PIK3R3: variants seen among roughly 807,000 people sequenced by gnomAD.
PIK3R3 encodes the protein phosphatidylinositol 3-kinase regulatory subunit gamma.
A neutral mutation model predicts 62.9 loss-of-function variants in PIK3R3; 64 were observed. The observed-to-expected ratio is 1.02, with a 90% CI of 0.83 to 1.25. The LOEUF (loss-of-function observed/expected upper bound fraction) is 1.25, where lower values mean the gene tolerates loss of function less well. Ranked by LOEUF, PIK3R3 falls within the 50% of genes most tolerant of loss-of-function variation. The pLI is 0.00. For missense variants in PIK3R3, 614 were observed against 561.6 expected (o/e 1.09, Z -0.94); for synonymous variants, 165 against 189.0 (o/e 0.87, Z 1.04).
chr1:46,169,953 CT>C, the PIK3R3 span, among the ~76,000 whole-genome samples: 1 of 152,116 alleles, frequency 6.6e-6, no homozygotes. Context: ...ATCAGCCCCC[CT>C]AGGCACAACC....
Position 46,040,340 on chromosome 1 carries a change from A to ACTGT in PIK3R3, c.*3329_*3332dup, listed in dbSNP as rs1646972642. Reference sequence around the variant, plus strand: ...AAGTGGTCTAGCAACTACATTATGAACTGTCCCATCACAAGACATACAGTT... The same window carrying ACTGT: ...AAGTGGTCTAGCAACTACATTATGAACTGTCTGTCCCATCACAAGACATACAGTT... On this transcript the variant is annotated 3_prime_UTR_variant, in exon 10 of 10. Transcript: ENST00000262741. The ACTGT allele has an allele frequency of 4.3e-6, 1 of 231,514 alleles. No homozygotes were observed. Among genetic ancestry groups the ACTGT allele is most frequent in the Admixed American group, 5.6e-5 (1 of 17,708 alleles). 14.3% of individuals were successfully genotyped at this position (231,514 alleles called of 1,614,324 possible). A position where few individuals can be genotyped will look rare whatever the true frequency, so the allele number is the denominator to read the frequency against.
chr1:46,142,571 G>A, the PIK3R3 span, among the ~76,000 whole-genome samples: 16 of 152,076 alleles, frequency 1.1e-4, no homozygotes, highest in South Asian at 4.1e-4. Flanking sequence ...GGTGGCGGGC[G>A]CCTGTAGTCC....
chr1:46,079,822 T>C (rs1650412436), intron 2 of PIK3R3, among the ~76,000 whole-genome samples: 1 of 151,740 alleles, frequency 6.6e-6, no homozygotes, highest in Non-Finnish European at 1.5e-5. Context: ...GGTATGGTGA[T>C]GCATGACTGT....
At chr1:46,100,289 CT>C (rs1239144607) in intron 1 of PIK3R3, among the ~76,000 whole-genome samples, 1 of 152,150 alleles carries the variant, frequency 6.6e-6, no homozygotes, top group Non-Finnish European at 1.5e-5. Context: ...ACATTAACAT[CT>C]TTAATCATCA....
At chr1:46,168,974 T>A in the PIK3R3 span, among the ~76,000 whole-genome samples, 14 of 152,146 alleles carry the variant, frequency 9.2e-5, no homozygotes, top group African/African-American at 3.4e-4. Flanking sequence ...CTATCTCCAA[T>A]CTGAGCTGAG....
chr1:46,100,753 ATCTCT>A (rs1652584534), intron 1 of PIK3R3, among the ~76,000 whole-genome samples: 2 of 152,220 alleles, frequency 1.3e-5, no homozygotes, highest in Admixed American at 1.3e-4. Flanking sequence ...TCCCAATTAC[ATCTCT>A]TCTCATGTCT....
rs200960469 is a variant in PIK3R3 at position 46,043,828 on chromosome 1, G to C, written c.1231C>G (p.Arg411Gly). The C allele has an allele frequency of 6.2e-7, 1 of 1,614,052 alleles. No individual in the cohort carries two copies. Among genetic ancestry groups the C allele is most frequent in the Non-Finnish European group, 8.5e-7 (1 of 1,179,980 alleles). The change falls in exon 10 of 10, where the codon CGG becomes GGG. Residue 411 changes from arginine (R) to glycine (G), a missense_variant. Physicochemically the swap from Arg to Gly is moderately radical, Grantham distance 125 (BLOSUM62 -2). Transcript: ENST00000262741. ...TAGGGCTCTGCAAAGCCATAGCCCC[G>C]AGCAGTGCTGTAGATCACACAGTGC... ...VKHCVIYSTA[R>G]GYGFAEPYNL... is the part of the protein sequence containing the mutation.
At chr1:46,084,797 C>A (rs1650914460) in intron 1 of PIK3R3, among the ~76,000 whole-genome samples, 1 of 152,120 alleles carries the variant, frequency 6.6e-6, no homozygotes, top group Non-Finnish European at 1.5e-5. Flanking sequence ...AACAGAAACC[C>A]AGCAAAAGGG....
chr1:46,163,477 ACAC>A, the PIK3R3 span, among the ~76,000 whole-genome samples: 1 of 152,174 alleles, frequency 6.6e-6, no homozygotes, highest in African/African-American at 2.4e-5. Context: ...AGGTCCAAGG[ACAC>A]ATTCTGCCTA....
intron 3 of PIK3R3, among the ~76,000 whole-genome samples, chr1:46,077,245 A>C (rs985994227): frequency 6.6e-6 from 1 of 152,202 alleles, no homozygotes; most frequent in Non-Finnish European, 1.5e-5. Flanking sequence ...TTCCTTTATA[A>C]GGTCAACAGT....
chr1:46,046,104 TAG>T lies in PIK3R3; in HGVS notation c.1017-18_1017-17del. 7.0e-7 allele frequency: 1 copy of T among 1,420,192 alleles called. No homozygotes were observed. Among genetic ancestry groups the T allele is most frequent in the Non-Finnish European group, 9.8e-7 (1 of 1,019,730 alleles). 88.0% of individuals were successfully genotyped at this position (1,420,192 alleles called of 1,614,324 possible). Reference sequence around the variant, plus strand: ...AAAATAGTTCCTAAAAATTAAATATTAGTATATTATTCTAACAAGTTACTTCT... The same window carrying T: ...AAAATAGTTCCTAAAAATTAAATATTTATATTATTCTAACAAGTTACTTCT... On this transcript the variant is annotated splice_polypyrimidine_tract_variant and intron_variant, in intron 8 of 9. Transcript: ENST00000262741.
At chr1:46,096,692 T>C (rs1229289861) in intron 1 of PIK3R3, among the ~76,000 whole-genome samples, 1 of 151,026 alleles carries the variant, frequency 6.6e-6, no homozygotes, top group Non-Finnish European at 1.5e-5. Context: ...AGGTCAACAG[T>C]TAGAGAGCAG....
intron 1 of PIK3R3, among the ~76,000 whole-genome samples, chr1:46,096,079 C>G (rs12079713): frequency 6.6e-6 from 1 of 152,134 alleles, no homozygotes; most frequent in African/African-American, 2.4e-5. Flanking sequence ...CCACCGTGCC[C>G]GACACAATGG....
chr1:46,109,492 GT>G (rs893621792), intron 1 of PIK3R3, among the ~76,000 whole-genome samples: 1 of 150,398 alleles, frequency 6.6e-6, no homozygotes, highest in African/African-American at 2.4e-5. Context: ...TTTTTGTTTT[GT>G]TTTTTTTTGA....
chr1:46,142,800 T>G, the PIK3R3 span, among the ~76,000 whole-genome samples: 2 of 152,130 alleles, frequency 1.3e-5, no homozygotes, highest in Admixed American at 1.3e-4. Flanking sequence ...AGGGTAGGCA[T>G]GAAGAGGCTT....
At position 46,132,542 on chromosome 1, in the gene PIK3R3, A is replaced by T. The variant is rs1655710052; in HGVS notation, c.-590T>A. ...CAGCCTCGGGAATGGGGCCGGCCGGAGAAGTCCAGTCAGCTCGGCTTGTCT... is the reference window on the plus strand; with the variant it reads ...CAGCCTCGGGAATGGGGCCGGCCGGTGAAGTCCAGTCAGCTCGGCTTGTCT... On this transcript the variant is annotated 5_prime_UTR_variant, in exon 1 of 10. Coordinates refer to ENST00000262741, the MANE Select transcript of PIK3R3 (RefSeq NM_003629.4). 1 of 1,261,082 alleles carries T rather than the reference A, an allele frequency of 7.9e-7. No individual in the cohort carries two copies. The highest frequency in any genetic ancestry group is 1.0e-6 in the Non-Finnish European group (1 of 973,730). 78.1% of individuals were successfully genotyped at this position (1,261,082 alleles called of 1,614,324 possible).
chr1:46,125,294 G>C (rs745572069), intron 1 of PIK3R3, among the ~76,000 whole-genome samples: 19 of 151,798 alleles, frequency 1.3e-4, no homozygotes, highest in Non-Finnish European at 2.4e-4. Flanking sequence ...AAAAAAACTG[G>C]CATGGCTTTT....
At chr1:46,132,946 G>A (rs1571591411), upstream of PIK3R3, 2 of 1,152,832 alleles carry the variant, frequency 1.7e-6, no homozygotes, top group Non-Finnish European at 2.2e-6. Flanking sequence ...CCGCACTCCA[G>A]GAGTCAGTGC....
chr1:46,115,990 T>C (rs891241232), intron 1 of PIK3R3, among the ~76,000 whole-genome samples: 1 of 152,102 alleles, frequency 6.6e-6, no homozygotes, highest in Non-Finnish European at 1.5e-5. Flanking sequence ...TGTCATGAGT[T>C]GGTAAGTTTT....
Sources: gnomAD v4.1 joint callset for allele counts (sites outside exome capture counted in the v4.1 genomes callset) on GRCh38, gnomAD v4.1.1 for gene constraint, MANE v1.5 for transcripts, NCBI Gene and HGNC (gene_info 2026-07-23, HGNC 2026-07-21) for gene names.